The following CFAP65 variants were observed in gnomAD, a reference collection of about 807,000 sequenced individuals.
CFAP65 encodes cilia and flagella associated protein 65, also known as cilia- and flagella-associated protein 65.
CFAP65 carries 155 observed loss-of-function variants against 208.0 expected under a neutral mutation model. The observed-to-expected ratio is 0.75, with a 90% CI of 0.65 to 0.85. CFAP65 has a LOEUF of 0.85. CFAP65 is among the 40% of genes least tolerant of loss of function. CFAP65 has a pLI of 0.00. For missense variants in CFAP65, 2,294 were observed against 2,451.3 expected, an observed-to-expected ratio of 0.94 and a Z score of 1.36; for synonymous variants, 970 against 986.3, an observed-to-expected ratio of 0.98 and a Z score of 0.31.
At position 219,038,667 on chromosome 2, in the gene CFAP65, G is replaced by A; in HGVS notation, c.154-89C>T. 2.3e-6 allele frequency: 3 copies of A among 1,305,254 alleles called. No homozygotes were observed. The South Asian group carries it at 3.8e-5, about 17-fold the overall frequency. 80.9% of individuals were successfully genotyped at this position (1,305,254 alleles called of 1,614,324 possible). A position where few individuals can be genotyped will look rare whatever the true frequency, so the allele number is the denominator to read the frequency against. ...GACTCTCATGGCCATCCTTGTCATGGAGGAGAGGGTCTGCTTCCCAGCTCT... is the reference window on the plus strand; with the variant it reads ...GACTCTCATGGCCATCCTTGTCATGAAGGAGAGGGTCTGCTTCCCAGCTCT... On this transcript the variant is annotated intron_variant, in intron 3 of 34. Coordinates refer to ENST00000341552, the MANE Select transcript of CFAP65 (RefSeq NM_194302.4).
At position 219,031,272 on chromosome 2, in the gene CFAP65, G is replaced by A. The variant is rs756175377; in HGVS notation, c.849C>T (p.Ser283=). The A allele has an allele frequency of 6.2e-7, 1 of 1,613,984 alleles. No homozygotes were observed. The highest frequency in any genetic ancestry group is 8.5e-7 in the Non-Finnish European group (1 of 1,179,962). The change falls in exon 8 of 35, where the codon TCC becomes TCT. Residue 283 remains serine (S), a synonymous_variant. Coordinates refer to ENST00000341552, the MANE Select transcript of CFAP65 (RefSeq NM_194302.4). The surrounding 1 kb of genome is among the most constrained non-coding windows in gnomAD (Gnocchi z 5.2). ...DLPTFFTWEF[S]SPFQMLPATG... ...TGGCGGGCAGCATCTGGAATGGGCT[G>A]GAGAACTCCCAGGTGAAGAAGGTGG...
At chr2:219,026,225 T>C in intron 13 of CFAP65, 66 bp from the exon 14 acceptor site, 1 of 1,524,694 alleles carries the variant, frequency 6.6e-7, no homozygotes, top group Non-Finnish European at 8.9e-7. Context: ...GCACCCCATT[T>C]TGCCCCTCCT....
chr2:219,005,529 C>T lies in CFAP65; in HGVS notation c.4956G>A (p.Glu1652=). Residue 1652 remains glutamate, a synonymous_variant, in exon 32 of 35, where the codon GAG becomes GAA. Transcript: ENST00000341552. Reference sequence around the variant, plus strand: ...GGGATTTTTCCTCAGAAGTCTCTGACTCTTCCCTGGGGGCCTTCCTCTTTG... The same window carrying T: ...GGGATTTTTCCTCAGAAGTCTCTGATTCTTCCCTGGGGGCCTTCCTCTTTG... ...ELPKRKAPRE[E]SETSEEKSPN... 1 of 1,612,736 alleles carries T rather than the reference C, an allele frequency of 6.2e-7. No homozygotes were observed. The highest frequency in any genetic ancestry group is 8.5e-7 in the Non-Finnish European group (1 of 1,179,952).
chr2:219,021,984 CCA>C, intron 17 of CFAP65, 54 bp from the exon 18 acceptor site: 1 of 1,603,228 alleles, frequency 6.2e-7, no homozygotes, highest in Non-Finnish European at 8.5e-7. Flanking sequence ...GCCCACAGCC[CCA>C]CTCTCCCAGC....
chr2:219,028,678 C>T (rs1947820911), intron 11 of CFAP65, among the ~76,000 whole-genome samples: 1 of 152,112 alleles, frequency 6.6e-6, no homozygotes, highest in Admixed American at 6.5e-5. Flanking sequence ...ATTCTCCCAC[C>T]CACCCTACTG....
chr2:219,035,646 T>A lies in CFAP65; in HGVS notation c.376A>T (p.Thr126Ser), dbSNP rs1378325509. 1.9e-6 allele frequency: 3 copies of A among 1,613,640 alleles called. No homozygotes were observed. In the South Asian group the frequency reaches 3.3e-5, roughly 18 times the overall value. The change falls in exon 5 of 35, where the codon ACT (threonine) becomes TCT (serine). Residue 126 changes from threonine to serine, a missense_variant. By Grantham distance (58) the Thr-to-Ser change is moderately conservative (BLOSUM62 1). Transcript: ENST00000341552. The stretch of plus-strand genomic sequence containing the variant: ...TGCTTCTTTGGGGAGTGCATCTGAG[T>A]GTCCATGGAGCTTGCGGGCTGTTCA... ...ISAQPASSMD[T>S]QMHSPKKQER...
intron 11 of CFAP65, among the ~76,000 whole-genome samples, chr2:219,028,743 T>TG (rs1947826013): frequency 6.6e-6 from 1 of 152,078 alleles, no homozygotes; most frequent in Non-Finnish European, 1.5e-5. Flanking sequence ...GAGGAGAATA[T>TG]GGGGGGCTGC....
At chr2:219,013,489 T>G in intron 23 of CFAP65, 30 bp downstream of exon 23, 1 of 1,585,324 alleles carries the variant, frequency 6.3e-7, no homozygotes, top group East Asian at 2.3e-5. Flanking sequence ...AGCCTGAAAC[T>G]AGGGCAGGGC....
At chr2:219,011,728 A>G (rs1946501216) in intron 24 of CFAP65, among the ~76,000 whole-genome samples, 1 of 152,210 alleles carries the variant, frequency 6.6e-6, no homozygotes, top group South Asian at 2.1e-4. Flanking sequence ...AGAAAATTGA[A>G]GCCAGAGAGA....
chr2:219,041,218 G>A (rs1260074164), intron 1 of CFAP65, among the ~76,000 whole-genome samples: 1 of 152,210 alleles, frequency 6.6e-6, no homozygotes, highest in South Asian at 2.1e-4. Context: ...AGAAAAAGTG[G>A]CAGGTCGTCG....
intron 11 of CFAP65, among the ~76,000 whole-genome samples, 192 bp from the exon 12 acceptor site, chr2:219,028,593 G>C (rs1947814160): frequency 6.6e-6 from 1 of 152,086 alleles, no homozygotes; most frequent in African/African-American, 2.4e-5. Context: ...GTCCAGGGAA[G>C]GTCAGGAGAG....
Position 219,009,406 on chromosome 2 carries a change from C to G in CFAP65, c.4507G>C (p.Val1503Leu), listed in dbSNP as rs775935201. Residue 1503 changes from valine to leucine, a missense_variant, in exon 28 of 35, where the codon GTG (valine) becomes CTG (leucine). Physicochemically the swap from Val to Leu is conservative, Grantham distance 32. Around this residue, in one of 2 missense-constraint regions of CFAP65, gnomAD observed 1,427 missense variants for 1,438.7 expected, o/e 0.99. Transcript: ENST00000341552. ...VVAPEETVPF[V>L]VTLRASVHAS... ...TGCACAGAGGCCCTCAAGGTCACCA[C>G]AAATGGGACCGTCTCTTCAGGAGCC... 4.3e-6 allele frequency: 7 copies of G among 1,612,604 alleles called. No homozygotes were observed. Among genetic ancestry groups the G allele is most frequent in the Non-Finnish European group, 5.9e-6 (7 of 1,179,948 alleles).
Position 219,010,570 on chromosome 2 carries a change from G to T in CFAP65, c.4284C>A (p.His1428Gln), listed in dbSNP as rs767311275. The T allele has an allele frequency of 3.7e-6, 6 of 1,611,278 alleles. No individual in the cohort carries two copies. Among genetic ancestry groups the T allele is most frequent in the Non-Finnish European group, 1.7e-6 (2 of 1,179,546 alleles). ...CCTGTCCAGGCACCACCAGCCTAGA[G>T]TGTATGGAACTGTTGTCCCACGAGG... ...NISSWDNSSI[H>Q]SRLVVPGQNV... Residue 1428 changes from histidine (H) to glutamine (Q), a missense_variant, in exon 26 of 35, where the codon CAC becomes CAA. Physicochemically the swap from His to Gln is conservative, Grantham distance 24. Around this residue, in one of 2 missense-constraint regions of CFAP65, gnomAD observed 1,427 missense variants for 1,438.7 expected, o/e 0.99. Transcript: ENST00000341552.
rs1334427655 is a variant in CFAP65 at position 219,027,803 on chromosome 2, C to T, written c.2058G>A (p.Val686=). The change falls in exon 13 of 35, where the codon GTG becomes GTA. Residue 686 remains valine, a synonymous_variant. Coordinates refer to ENST00000341552, the MANE Select transcript of CFAP65 (RefSeq NM_194302.4). ...GGCAGTCAGACCTTCGCGTCCAGACCACCATGATCTTGCCCTTGGTGTGGT... is the reference window on the plus strand; with the variant it reads ...GGCAGTCAGACCTTCGCGTCCAGACTACCATGATCTTGCCCTTGGTGTGGT... The part of the protein sequence containing the change: ...LMNHTKGKIM[V]VWTRRSDCPF... 1.2e-6 allele frequency: 2 copies of T among 1,611,908 alleles called. No individual in the cohort carries two copies. The highest frequency in any genetic ancestry group is 1.7e-6 in the Non-Finnish European group (2 of 1,178,430).
In CFAP65 at chr2:219,032,620, A is replaced by C. The variant is rs751645247; in HGVS notation, c.543-48T>G. 2.7e-5 allele frequency: 40 copies of C among 1,507,242 alleles called. No individual in the cohort carries two copies. The highest frequency in any genetic ancestry group is 3.6e-5 in the Non-Finnish European group (40 of 1,106,968). The allele number at this position is 1,507,242 out of a possible 1,614,324, so 93.4% of individuals were successfully genotyped here. A position where few individuals can be genotyped will look rare whatever the true frequency, so the allele number is the denominator to read the frequency against. The stretch of plus-strand genomic sequence containing the variant: ...AGCACCTCAGATCAGGGCTCAGAAC[A>C]ACTGGAAGAGGCAGGAAACGAGGGA... On this transcript the variant is annotated intron_variant, in intron 5 of 34. Coordinates refer to ENST00000341552, the MANE Select transcript of CFAP65 (RefSeq NM_194302.4). The surrounding 1 kb of genome is among the most constrained non-coding windows in gnomAD (Gnocchi z 5.5).
At chr2:219,034,880 G>A (rs983279708) in intron 5 of CFAP65, 1 of 154,080 alleles carries the variant, frequency 6.5e-6, no homozygotes, top group African/African-American at 2.4e-5. Flanking sequence ...TGGTAAGGAT[G>A]TGGAGGAATG....
rs759255755 is a variant in CFAP65 at position 219,030,204 on chromosome 2, T to A, written c.1166A>T (p.Asn389Ile). The change falls in exon 10 of 35, where the codon AAT (asparagine) becomes ATT (isoleucine). Residue 389 changes from asparagine (N) to isoleucine (I), a missense_variant. By Grantham distance (149) the Asn-to-Ile change is moderately radical. Around this residue, in one of 2 missense-constraint regions of CFAP65, gnomAD observed 867 missense variants for 1,012.6 expected, o/e 0.86. Coordinates refer to ENST00000341552, the MANE Select transcript of CFAP65 (RefSeq NM_194302.4). ...GGAAATTTCAATCCTGAAGGGGGCA[T>A]TTACCTGTGTGGCCAAGCAGAAGGA... ...QIRLHNPSAV[N>I]APFRIEISPD... 3.1e-6 allele frequency: 5 copies of A among 1,613,940 alleles called. No individual in the cohort carries two copies. The South Asian group carries it at 5.5e-5, about 18-fold the overall frequency.
In CFAP65 at chr2:219,006,471, C is replaced by A; in HGVS notation, c.4713G>T (p.Lys1571Asn). The A allele has an allele frequency of 6.2e-7, 1 of 1,613,774 alleles. No individual in the cohort carries two copies. The highest frequency in any genetic ancestry group is 8.5e-7 in the Non-Finnish European group (1 of 1,180,000). Residue 1571 changes from lysine to asparagine, a missense_variant, in exon 30 of 35, where the codon AAG becomes AAT. Transcript: ENST00000341552. ...TCCTACEPAR[K>N]YKTLPPIKNQ... Reference sequence around the variant, plus strand: ...CTGGGGCTCGCCGCCTCACCTTGTACTTCCTCGCAGGTTCACAGGCTGTGC... The same window carrying A: ...CTGGGGCTCGCCGCCTCACCTTGTAATTCCTCGCAGGTTCACAGGCTGTGC...
chr2:219,035,230 G>A (rs554733680), intron 5 of CFAP65: 1 of 1,281,790 alleles, frequency 7.8e-7, no homozygotes, highest in African/African-American at 1.5e-5. Flanking sequence ...GTCCCAAATA[G>A]AAACAGCCCA....
Sources: gnomAD v4.1 joint callset for allele counts (sites outside exome capture counted in the v4.1 genomes callset) on GRCh38, gnomAD v4.1.1 for gene constraint, gnomAD v4.1.1 regional missense constraint, Gnocchi (gnomAD v3.1) non-coding constraint, MANE v1.5 for transcripts, NCBI Gene and HGNC (gene_info 2026-07-23, HGNC 2026-07-21) for gene names.